The following LIN7A variants were observed in gnomAD, a reference collection of about 807,000 sequenced individuals.
LIN7A encodes lin-7 cell polarity scaffold A.
Under a neutral mutation model 29.8 loss-of-function variants are expected in LIN7A, and 25 were observed. The observed-to-expected ratio is 0.84, with a 90% confidence interval of 0.61 to 1.17. The LOEUF (loss-of-function observed/expected upper bound fraction) is 1.17, where lower values mean the gene tolerates loss of function less well. Ranked by LOEUF, LIN7A falls within the 50% of genes most tolerant of loss-of-function variation. The probability of loss-of-function intolerance (pLI) is 0.00; values close to 1 mark genes in which losing one functional copy is unlikely to be tolerated. For missense variants in LIN7A, 239 were observed against 287.0 expected (o/e 0.83, Z 1.21); for synonymous variants, 118 against 107.5 (o/e 1.10, Z -0.60).
chr12:80,804,612 C>T (rs575127153), intron 5 of LIN7A, among the ~76,000 whole-genome samples: 1 of 151,962 alleles, frequency 6.6e-6, no homozygotes, highest in East Asian at 1.9e-4. Flanking sequence ...GAACCTGGCT[C>T]ACTGCAACCT....
intron 2 of LIN7A, among the ~76,000 whole-genome samples, chr12:80,882,867 TA>T (rs1299771664): frequency 6.6e-6 from 1 of 152,102 alleles, no homozygotes; most frequent in East Asian, 1.9e-4. Flanking sequence ...TATTTTATCT[TA>T]AAAAAGAGAA....
chr12:80,933,485 A>G (rs145266853), intron 1 of LIN7A, among the ~76,000 whole-genome samples: 1 of 152,274 alleles, frequency 6.6e-6, no homozygotes, highest in Non-Finnish European at 1.5e-5. Context: ...GCCTTCCTCG[A>G]CCAATGCTAA....
chr12:80,911,404 T>G (rs930437126), intron 1 of LIN7A, among the ~76,000 whole-genome samples: 3 of 151,520 alleles, frequency 2.0e-5, no homozygotes, highest in Non-Finnish European at 4.4e-5. Flanking sequence ...TACATGCCAC[T>G]GGGTCTGGCT....
At chr12:80,816,005 G>A (rs1871512791) in intron 4 of LIN7A, among the ~76,000 whole-genome samples, 1 of 152,156 alleles carries the variant, frequency 6.6e-6, no homozygotes, top group Non-Finnish European at 1.5e-5. Flanking sequence ...GGCTGGCCAT[G>A]AGCATACTTG....
intron 5 of LIN7A, among the ~76,000 whole-genome samples, chr12:80,805,073 T>C (rs1375466317): frequency 6.6e-6 from 1 of 152,194 alleles, no homozygotes; most frequent in Non-Finnish European, 1.5e-5. Flanking sequence ...TAAAACAAGA[T>C]TAAACATAGT....
Position 80,845,729 on chromosome 12 carries a change from C to A in LIN7A, c.483+1G>T, listed in dbSNP as rs1489916920. On this transcript the variant is annotated splice_donor_variant, in intron 4 of 5. Coordinates refer to ENST00000552864, the MANE Select transcript of LIN7A (RefSeq NM_004664.4). LOFTEE classifies it high-confidence loss of function. The stretch of plus-strand genomic sequence containing the variant: ...AATCTCTGGTTATTTTATAAACATA[C>A]CACTCCGTTCACTGATAGCAGCTGG... 2 of 1,609,484 alleles carry A rather than the reference C, an allele frequency of 1.2e-6. No homozygotes were observed. Among genetic ancestry groups the A allele is most frequent in the African/African-American group, 2.7e-5 (2 of 74,636 alleles).
chr12:80,915,045 A>G (rs1236432799), intron 1 of LIN7A, among the ~76,000 whole-genome samples: 1 of 152,078 alleles, frequency 6.6e-6, no homozygotes, highest in Admixed American at 6.6e-5. Context: ...AAGAGAAACC[A>G]TCAAGGGAAT....
intron 2 of LIN7A, among the ~76,000 whole-genome samples, chr12:80,883,202 A>AT (rs1384336840): frequency 1.4e-4 from 21 of 150,306 alleles, no homozygotes; most frequent in African/African-American, 4.9e-4. Flanking sequence ...TATTATCCTT[A>AT]TTTTATCTCA....
At chr12:80,820,630 T>TAC (rs3072333) in intron 4 of LIN7A, among the ~76,000 whole-genome samples, 47,829 of 147,398 alleles carry the variant, frequency 0.32, 7,822 homozygotes, top group East Asian at 0.47. Context: ...GAAGATTAAA[T>TAC]ACACACACAC....
intron 2 of LIN7A, among the ~76,000 whole-genome samples, chr12:80,865,778 A>G (rs1874106342): frequency 6.6e-6 from 1 of 152,220 alleles, no homozygotes; most frequent in African/African-American, 2.4e-5. Context: ...TCCCTTCCTC[A>G]AAATAAGTGG....
At chr12:80,934,212 C>T (rs1378037406) in intron 1 of LIN7A, among the ~76,000 whole-genome samples, 1 of 152,068 alleles carries the variant, frequency 6.6e-6, no homozygotes, top group Non-Finnish European at 1.5e-5. Context: ...GTTCTAATTA[C>T]CACAAAAAGT....
At position 80,798,816 on chromosome 12, in the gene LIN7A, T is replaced by C. The variant is rs560157274; in HGVS notation, c.*1-1090A>G. ...TTTTTTTTTTGAGTTGAAGTAAATCTTCACTTCCCAGACTCAAGCGATTCT... is the reference window on the plus strand; with the variant it reads ...TTTTTTTTTTGAGTTGAAGTAAATCCTCACTTCCCAGACTCAAGCGATTCT... On this transcript the variant is annotated intron_variant, in intron 5 of 5. Coordinates refer to ENST00000552864, the MANE Select transcript of LIN7A (RefSeq NM_004664.4). Among the ~76,000 whole-genome samples, 16 of 151,652 alleles carry C rather than the reference T, an allele frequency of 1.1e-4. 1 individual carries two copies. The highest frequency in any genetic ancestry group is 2.4e-4 in the Non-Finnish European group (16 of 67,948).
intron 2 of LIN7A, among the ~76,000 whole-genome samples, chr12:80,872,279 T>C (rs1166881056): frequency 6.6e-6 from 1 of 152,138 alleles, no homozygotes; most frequent in Non-Finnish European, 1.5e-5. Context: ...CCTTAAGTCA[T>C]GGAGATCTTG....
intron 4 of LIN7A, among the ~76,000 whole-genome samples, chr12:80,829,279 T>C (rs529422931): frequency 6.6e-6 from 1 of 152,308 alleles, no homozygotes; most frequent in South Asian, 2.1e-4. Context: ...GATGTAGAAG[T>C]ATAGTCTGTG....
At chr12:80,881,980 C>A (rs1875068092) in intron 2 of LIN7A, among the ~76,000 whole-genome samples, 1 of 152,080 alleles carries the variant, frequency 6.6e-6, no homozygotes, top group Admixed American at 6.5e-5. Context: ...GGCTGAATAT[C>A]ACCAAGTTCT....
intron 1 of LIN7A, among the ~76,000 whole-genome samples, chr12:80,930,840 G>T (rs1347280270): frequency 6.6e-6 from 1 of 152,054 alleles, no homozygotes; most frequent in Non-Finnish European, 1.5e-5. Context: ...GTTTTGTTTT[G>T]TTGCATTAAG....
intron 5 of LIN7A, among the ~76,000 whole-genome samples, chr12:80,803,563 G>A (rs114349316): frequency 0.014 from 2,098 of 152,162 alleles, 35 homozygotes; most frequent in African/African-American, 0.044. Flanking sequence ...GGTAGTGTGA[G>A]GCCTTCAGTC....
intron 4 of LIN7A, among the ~76,000 whole-genome samples, chr12:80,844,259 A>G (rs1000559804): frequency 3.3e-5 from 5 of 152,170 alleles, no homozygotes; most frequent in African/African-American, 1.2e-4. Context: ...AGCTTATCTC[A>G]AAACATTATT....
At chr12:80,927,297 G>T (rs1877654291) in intron 1 of LIN7A, among the ~76,000 whole-genome samples, 1 of 151,698 alleles carries the variant, frequency 6.6e-6, no homozygotes. Context: ...GAGTAGCTGG[G>T]ACTACAGGCG....
Sources: allele counts gnomAD v4.1 joint callset (sites outside exome capture counted in the v4.1 genomes callset), GRCh38; gene constraint gnomAD v4.1.1; transcripts MANE v1.5; gene names NCBI Gene and HGNC (gene_info 2026-07-23, HGNC 2026-07-21).